The following MYO3A variants were observed in gnomAD, a reference collection of about 807,000 sequenced individuals.
MYO3A encodes myosin IIIA.
Under a neutral mutation model 192.7 loss-of-function variants are expected in MYO3A, and 180 were observed. That is an observed-to-expected ratio of 0.93 (90% CI 0.83 to 1.06). MYO3A has a LOEUF of 1.06. Among genes scored for constraint, MYO3A ranks in the 50% least tolerant of loss-of-function variants. The pLI is 0.00. For missense variants in MYO3A, 1,896 were observed against 1,905.0 expected (o/e 1.00, Z 0.09); for synonymous variants, 628 against 645.3 (o/e 0.97, Z 0.41).
intron 32 of MYO3A, among the ~76,000 whole-genome samples, chr10:26,198,331 G>A (rs542490881): frequency 1.3e-5 from 2 of 152,168 alleles, no homozygotes; most frequent in African/African-American, 2.4e-5. Flanking sequence ...GAGCATTAGC[G>A]GAGTGCGCAT....
At chr10:26,108,304 GC>G (rs1385995985) in intron 17 of MYO3A, among the ~76,000 whole-genome samples, 1 of 152,142 alleles carries the variant, frequency 6.6e-6, no homozygotes, top group Non-Finnish European at 1.5e-5. Flanking sequence ...TGACACTCCT[GC>G]AGCTTTAAAC....
Position 26,203,060 on chromosome 10 carries a change from AAG to A in MYO3A, c.4685_4686del (p.Arg1562ThrfsTer11), listed in dbSNP as rs1344151640. On this transcript the variant is annotated frameshift_variant, in exon 34 of 35. Coordinates refer to ENST00000642920, the MANE Select transcript of MYO3A (RefSeq NM_017433.5). LOFTEE classifies it low-confidence loss of function (END_TRUNC). Reference sequence around the variant, plus strand: ...AACATAGCCCTAGTTTAAGAGAACGAAGACCACAGCAAGAACTCCAGAATCAA... The same window carrying A: ...AACATAGCCCTAGTTTAAGAGAACGAACCACAGCAAGAACTCCAGAATCAA... ...KEHSPSLRER[R>X]PQQELQNQCI... 1 of 1,613,742 alleles carries A rather than the reference AAG, an allele frequency of 6.2e-7. No individual in the cohort carries two copies. Among genetic ancestry groups the A allele is most frequent in the Admixed American group, 1.7e-5 (1 of 60,000 alleles).
chr10:26,159,743 T>G (rs1841387022), intron 26 of MYO3A, among the ~76,000 whole-genome samples: 1 of 152,190 alleles, frequency 6.6e-6, no homozygotes, highest in South Asian at 2.1e-4. Context: ...AAGAAAACTC[T>G]ACTACCTTTT....
At chr10:26,019,361 C>T (rs1343020800) in intron 7 of MYO3A, among the ~76,000 whole-genome samples, 1 of 152,122 alleles carries the variant, frequency 6.6e-6, no homozygotes, top group African/African-American at 2.4e-5. Flanking sequence ...TGGGTTCACG[C>T]CATTCTCCTG....
chr10:26,021,706 CAA>C (rs753682270), intron 8 of MYO3A, 58 bp downstream of exon 8: 1 of 1,595,724 alleles, frequency 6.3e-7, no homozygotes, highest in South Asian at 1.1e-5. Flanking sequence ...CTCCAGCCAC[CAA>C]GTGTTCATCA....
intron 10 of MYO3A, among the ~76,000 whole-genome samples, 185 bp downstream of exon 10, chr10:26,026,717 T>G (rs1346723579): frequency 6.6e-6 from 1 of 152,208 alleles, no homozygotes; most frequent in African/African-American, 2.4e-5. Context: ...TTTCTTTTTT[T>G]TTGAAACAGA....
chr10:25,962,125 T>A (rs1164447831), intron 4 of MYO3A, among the ~76,000 whole-genome samples: 1 of 152,172 alleles, frequency 6.6e-6, no homozygotes, highest in Non-Finnish European at 1.5e-5. Flanking sequence ...TATATTTCAA[T>A]CCAGAGTTGA....
Position 26,120,546 on chromosome 10 carries a change from G to GT in MYO3A, c.1777-130_1777-129insT, listed in dbSNP as rs1449801818. On this transcript the variant is annotated intron_variant, in intron 17 of 34. Coordinates refer to ENST00000642920, the MANE Select transcript of MYO3A (RefSeq NM_017433.5). Reference sequence around the variant, plus strand: ...GCTGAGCCTACTTGGATCTCAGTGTGGCGTCATCATAGTCTGTGGATAGAT... The same window carrying GT: ...GCTGAGCCTACTTGGATCTCAGTGTGTGCGTCATCATAGTCTGTGGATAGAT... 38 of 1,189,980 alleles carry GT rather than the reference G, an allele frequency of 3.2e-5. No homozygotes were observed. In the Admixed American group the frequency reaches 6.3e-4, roughly 20 times the overall value. 73.7% of individuals were successfully genotyped at this position (1,189,980 alleles called of 1,614,324 possible). A position where few individuals can be genotyped will look rare whatever the true frequency, so the allele number is the denominator to read the frequency against.
chr10:25,959,579 C>T (rs1220646485), intron 4 of MYO3A, among the ~76,000 whole-genome samples: 1 of 152,070 alleles, frequency 6.6e-6, no homozygotes, highest in Non-Finnish European at 1.5e-5. Flanking sequence ...GTTTGGAGAC[C>T]TACCATGTGT....
chr10:26,170,447 A>G lies in MYO3A; in HGVS notation c.3306A>G (p.Arg1102=). 5 of 1,613,730 alleles carry G rather than the reference A, an allele frequency of 3.1e-6. No homozygotes were observed. The highest frequency in any genetic ancestry group is 4.2e-6 in the Non-Finnish European group (5 of 1,179,774). ...AARGHLVRKQ[R]KEIVDMKNTA... ...GAGGACACCTTGTCAGGAAACAAAG[A>G]AAAGAAATTGTTGACATGAAAAACA... Residue 1102 remains arginine (R), a synonymous_variant, in exon 29 of 35, where the codon AGA becomes AGG. Coordinates refer to ENST00000642920, the MANE Select transcript of MYO3A (RefSeq NM_017433.5).
intron 4 of MYO3A, among the ~76,000 whole-genome samples, chr10:25,956,238 A>G (rs1228632651): frequency 1.3e-5 from 2 of 152,164 alleles, no homozygotes; most frequent in Non-Finnish European, 2.9e-5. Flanking sequence ...TTAAGTTTCA[A>G]CACATGAATT....
At chr10:25,956,240 A>G (rs1837527430) in intron 4 of MYO3A, among the ~76,000 whole-genome samples, 1 of 152,292 alleles carries the variant, frequency 6.6e-6, no homozygotes. Context: ...AAGTTTCAAC[A>G]CATGAATTTT....
At chr10:26,094,425 T>TC (rs1467925255) in intron 15 of MYO3A, among the ~76,000 whole-genome samples, 4 of 142,556 alleles carry the variant, frequency 2.8e-5, no homozygotes, top group South Asian at 2.3e-4. Flanking sequence ...AATTTCTTTT[T>TC]TTTTTTTTTT....
chr10:26,100,352 C>T (rs1457090219), intron 17 of MYO3A, among the ~76,000 whole-genome samples: 1 of 152,104 alleles, frequency 6.6e-6, no homozygotes, highest in Non-Finnish European at 1.5e-5. Context: ...TTTTCAAAAA[C>T]CAGCTCCTGG....
At chr10:26,115,076 C>A (rs1054870495) in intron 17 of MYO3A, among the ~76,000 whole-genome samples, 4 of 152,144 alleles carry the variant, frequency 2.6e-5, no homozygotes, top group Non-Finnish European at 5.9e-5. Context: ...CAGTCAAGCA[C>A]AAGAAGATGT....
At chr10:25,980,022 G>T (rs1488144973) in intron 4 of MYO3A, among the ~76,000 whole-genome samples, 1 of 152,196 alleles carries the variant, frequency 6.6e-6, no homozygotes, top group Non-Finnish European at 1.5e-5. Context: ...GGATCATGAG[G>T]TCAGGAGATT....
At chr10:26,091,958 A>G (rs1434941209) in intron 15 of MYO3A, among the ~76,000 whole-genome samples, 1 of 152,184 alleles carries the variant, frequency 6.6e-6, no homozygotes, top group Non-Finnish European at 1.5e-5. Flanking sequence ...AACACAGCTC[A>G]CAGTATGATA....
intron 7 of MYO3A, among the ~76,000 whole-genome samples, chr10:26,018,189 G>C (rs1261760298): frequency 2.0e-5 from 3 of 150,926 alleles, no homozygotes; most frequent in Non-Finnish European, 3.0e-5. Flanking sequence ...AGCACAGTAG[G>C]GCTTGAAAGT....
chr10:26,026,663 C>T, intron 10 of MYO3A, 131 bp downstream of exon 10: 2 of 1,053,956 alleles, frequency 1.9e-6, no homozygotes, highest in Non-Finnish European at 2.8e-6. Context: ...GTGAATGTCA[C>T]CTGTTGAAAT....
Sources: gnomAD v4.1 joint callset for allele counts (sites outside exome capture counted in the v4.1 genomes callset) on GRCh38, gnomAD v4.1.1 for gene constraint, MANE v1.5 for transcripts, NCBI Gene and HGNC (gene_info 2026-07-23, HGNC 2026-07-21) for gene names.